ZNF430: variants seen among roughly 807,000 people sequenced by gnomAD.
ZNF430 encodes zinc finger protein 430.
ZNF430 carries 35 observed loss-of-function variants against 56.7 expected under a neutral mutation model. That is an observed-to-expected ratio of 0.62 (90% CI 0.47 to 0.82). ZNF430 has a LOEUF of 0.82. Among genes scored for constraint, ZNF430 ranks in the 40% least tolerant of loss-of-function variants. The pLI, the probability that ZNF430 is intolerant of heterozygous loss-of-function variation, is 0.00. For missense variants in ZNF430, 574 were observed against 661.0 expected, an observed-to-expected ratio of 0.87 and a Z score of 1.44; for synonymous variants, 212 against 224.3, an observed-to-expected ratio of 0.94 and a Z score of 0.49.
At chr19:21,042,520 G>A (rs1968120411) in intron 4 of ZNF430, among the ~76,000 whole-genome samples, 1 of 152,144 alleles carries the variant, frequency 6.6e-6, no homozygotes, top group African/African-American at 2.4e-5. Context: ...GGGCACGGTG[G>A]CTCACACCTG....
At chr19:21,053,188 G>T (rs188620132) in intron 4 of ZNF430, among the ~76,000 whole-genome samples, 6 of 152,040 alleles carry the variant, frequency 3.9e-5, no homozygotes, top group African/African-American at 1.4e-4. Context: ...TTTTGGTGGG[G>T]TGGAGGGGGT....
intron 4 of ZNF430, among the ~76,000 whole-genome samples, chr19:21,049,173 CAAAAA>C (rs746043747): frequency 1.5e-5 from 1 of 65,256 alleles, no homozygotes; most frequent in African/African-American, 7.8e-5. Context: ...GACTCCATCT[CAAAAA>C]AAAAAAAAAA....
rs1316393601 is a variant in ZNF430 at position 21,057,375 on chromosome 19, A to C, written c.1067A>C (p.Gln356Pro). The change falls in exon 5 of 5, where the codon CAA becomes CCA. Residue 356 changes from glutamine (Q) to proline (P), a missense_variant. Transcript: ENST00000261560. ...KCEECGKAFN[Q>P]SSTLTTHKII... is the part of the protein sequence containing the mutation. ...GAAGAATGTGGCAAAGCTTTTAACCAATCCTCAACCCTTACTACACATAAG... is the reference window on the plus strand; with the variant it reads ...GAAGAATGTGGCAAAGCTTTTAACCCATCCTCAACCCTTACTACACATAAG... The C allele has an allele frequency of 5.0e-6, 8 of 1,612,580 alleles. No individual in the cohort carries two copies. Among genetic ancestry groups the C allele is most frequent in the Non-Finnish European group, 5.9e-6 (7 of 1,179,780 alleles).
At chr19:21,055,678 T>G (rs1246913306) in intron 4 of ZNF430, among the ~76,000 whole-genome samples, 2 of 152,202 alleles carry the variant, frequency 1.3e-5, no homozygotes, top group Admixed American at 1.3e-4. Flanking sequence ...GGTCTCAAAC[T>G]TGTGACCTCA....
intron 4 of ZNF430, among the ~76,000 whole-genome samples, chr19:21,042,285 C>A (rs1461016974): frequency 1.3e-5 from 2 of 152,160 alleles, no homozygotes; most frequent in South Asian, 2.1e-4. Context: ...ATCCACATAT[C>A]TTTATAACAG....
chr19:21,054,593 G>A (rs1378075809), intron 4 of ZNF430, among the ~76,000 whole-genome samples: 1 of 146,772 alleles, frequency 6.8e-6, no homozygotes, highest in Non-Finnish European at 1.5e-5. Context: ...TTTTGAAATT[G>A]TGCTTATATA....
chr19:21,038,670 C>T (rs1296687069), intron 4 of ZNF430, among the ~76,000 whole-genome samples: 6 of 151,704 alleles, frequency 4.0e-5, no homozygotes, highest in African/African-American at 1.5e-4. Context: ...CTCAGGTGAT[C>T]CCCCACCCTG....
chr19:21,043,068 G>A (rs943812590), intron 4 of ZNF430, among the ~76,000 whole-genome samples: 20 of 151,974 alleles, frequency 1.3e-4, no homozygotes, highest in Middle Eastern at 3.2e-3. Context: ...TTCTTAGGTT[G>A]TCTGTTCACT....
chr19:21,032,424 C>T (rs1967920483), intron 2 of ZNF430, among the ~76,000 whole-genome samples: 1 of 152,132 alleles, frequency 6.6e-6, no homozygotes, highest in African/African-American at 2.4e-5. Context: ...CTATGTGCAT[C>T]AGCACATCAT....
At chr19:21,026,403 G>A (rs909092576) in intron 2 of ZNF430, among the ~76,000 whole-genome samples, 3 of 151,974 alleles carry the variant, frequency 2.0e-5, no homozygotes, top group Admixed American at 1.3e-4. Context: ...TGATCAGGCT[G>A]GTCTCAAACT....
chr19:21,029,943 G>A (rs1967870751), intron 2 of ZNF430, among the ~76,000 whole-genome samples: 1 of 151,938 alleles, frequency 6.6e-6, no homozygotes, highest in Non-Finnish European at 1.5e-5. Flanking sequence ...CCAGCCTGGT[G>A]ACAGAGCGAG....
In ZNF430 at chr19:21,057,978, T is replaced by A. The variant is rs1968411902; in HGVS notation, c.1670T>A (p.Ile557Asn). 2 of 1,605,650 alleles carry A rather than the reference T, an allele frequency of 1.2e-6. No homozygotes were observed. Among genetic ancestry groups the A allele is most frequent in the South Asian group, 2.2e-5 (2 of 89,642 alleles). Reference protein sequence around the residue: ...GKAFNQSSNLIEQSNSYWRET... With the variant: ...GKAFNQSSNLNEQSNSYWRET... ...GCTTTCAACCAGTCCTCAAACCTTATTGAACAAAGTAATTCATACTGGAGA... is the reference window on the plus strand; with the variant it reads ...GCTTTCAACCAGTCCTCAAACCTTAATGAACAAAGTAATTCATACTGGAGA... Residue 557 changes from isoleucine to asparagine, a missense_variant, in exon 5 of 5, where the codon ATT (isoleucine) becomes AAT (asparagine). This residue lies in a region of ZNF430 where 213 missense variants were observed against 221.0 expected (regional missense o/e 0.96). Transcript: ENST00000261560.
intron 4 of ZNF430, among the ~76,000 whole-genome samples, chr19:21,043,871 C>A (rs182222839): frequency 1.3e-5 from 2 of 151,550 alleles, no homozygotes; most frequent in Non-Finnish European, 2.9e-5. Context: ...GATGGAGGTT[C>A]GTTCATGATA....
At chr19:21,026,013 G>A (rs2144750605) in intron 2 of ZNF430, 1 of 380,692 alleles carries the variant, frequency 2.6e-6, no homozygotes. Flanking sequence ...CAGATCCATG[G>A]CATGGTTTCC....
intron 4 of ZNF430, among the ~76,000 whole-genome samples, chr19:21,038,573 G>A (rs916917576): frequency 1.3e-5 from 2 of 151,958 alleles, no homozygotes; most frequent in African/African-American, 2.4e-5. Flanking sequence ...GGTTACAGGC[G>A]TGCACTACCA....
In ZNF430 at chr19:21,057,718, A is replaced by C; in HGVS notation, c.1410A>C (p.Pro470=). 6.2e-7 allele frequency: 1 copy of C among 1,605,482 alleles called. No individual in the cohort carries two copies. Residue 470 remains proline, a synonymous_variant, in exon 5 of 5, where the codon CCA becomes CCC. Coordinates refer to ENST00000261560, the MANE Select transcript of ZNF430 (RefSeq NM_025189.4). ...EECGKAFNRS[P]KLTAHKVIHS... ...GTGGCAAAGCCTTTAACCGGTCCCC[A>C]AAACTTACTGCACATAAGGTAATTC...
chr19:21,022,857 T>G lies in ZNF430; in HGVS notation c.72T>G (p.Leu24=), dbSNP rs764851935. 2 of 1,613,556 alleles carry G rather than the reference T, an allele frequency of 1.2e-6. No individual in the cohort carries two copies. The highest frequency in any genetic ancestry group is 1.7e-6 in the Non-Finnish European group (2 of 1,179,604). The stretch of plus-strand genomic sequence containing the variant: ...GATGCCCTGGGGCTGACAGGAATCT[T>G]CTGGTGTACTCTTTTTATGAAAAGG... ...ASGCPGADRN[L]LVYSFYEKGP... The change falls in exon 2 of 5, where the codon CTT becomes CTG. Residue 24 remains leucine, a synonymous_variant. Coordinates refer to ENST00000261560, the MANE Select transcript of ZNF430 (RefSeq NM_025189.4).
intron 4 of ZNF430, among the ~76,000 whole-genome samples, chr19:21,054,673 T>C (rs1968340712): frequency 7.7e-6 from 1 of 130,288 alleles, no homozygotes; most frequent in Admixed American, 7.8e-5. Context: ...TTACGTCTTT[T>C]TTTTTTTTTT....
intron 2 of ZNF430, among the ~76,000 whole-genome samples, chr19:21,031,991 C>T (rs1222624245): frequency 6.6e-6 from 1 of 152,124 alleles, no homozygotes; most frequent in African/African-American, 2.4e-5. Context: ...ACGCAGAATT[C>T]CTACCATAAA....
Sources: allele counts gnomAD v4.1 joint callset (sites outside exome capture counted in the v4.1 genomes callset), GRCh38; gene constraint gnomAD v4.1.1; regional missense constraint gnomAD v4.1.1; transcripts MANE v1.5; gene names NCBI Gene and HGNC (gene_info 2026-07-23, HGNC 2026-07-21).